The following C12orf42 variants were observed in gnomAD, a reference collection of about 807,000 sequenced individuals.
C12orf42 encodes the protein chromosome 12 open reading frame 42.
In C12orf42, 25 loss-of-function variants were observed where a neutral mutation model predicts 21.6. The observed-to-expected ratio is 1.16, with a 90% CI of 0.84 to 1.62. The LOEUF is 1.62. C12orf42 is among the 40% of genes most tolerant of loss of function. The pLI is 0.00. For missense variants in C12orf42, 483 were observed against 459.3 expected (o/e 1.05, Z -0.47); for synonymous variants, 174 against 175.0 (o/e 0.99, Z 0.05).
At chr12:103,492,625 T>G (rs931295695) in intron 1 of C12orf42, among the ~76,000 whole-genome samples, 1 of 152,174 alleles carries the variant, frequency 6.6e-6, no homozygotes, top group Admixed American at 6.5e-5. Context: ...TGCCAGATTA[T>G]CTCAGTATTT....
the C12orf42 span, among the ~76,000 whole-genome samples, chr12:103,191,543 CAAAAAAAAAAAAAAAAAA>C: frequency 1.7e-5 from 1 of 58,104 alleles, no homozygotes; most frequent in African/African-American, 7.5e-5. Context: ...CTCCACTCTA[CAAAAAAAAAAAAAAAAAA>C]AAAAAAAAAA....
At chr12:103,116,878 C>T in the C12orf42 span, among the ~76,000 whole-genome samples, 91 of 152,122 alleles carry the variant, frequency 6.0e-4, no homozygotes, top group Admixed American at 3.1e-3. Flanking sequence ...TCTAGGTTTG[C>T]CTAATCTTTT....
chr12:103,200,011 G>C, the C12orf42 span, among the ~76,000 whole-genome samples: 1 of 152,042 alleles, frequency 6.6e-6, no homozygotes, highest in Non-Finnish European at 1.5e-5. Flanking sequence ...ATCAGGATCT[G>C]GAAGAGATAT....
chr12:103,368,739 C>T, intron 4 of C12orf42, 148 bp downstream of exon 4: 1 of 531,166 alleles, frequency 1.9e-6, no homozygotes. Context: ...GATTTACTAA[C>T]TTCATGAGCC....
chr12:103,064,100 GT>G, the C12orf42 span, among the ~76,000 whole-genome samples: 1 of 152,174 alleles, frequency 6.6e-6, no homozygotes, highest in African/African-American at 2.4e-5. Flanking sequence ...ATGGTGAAAT[GT>G]ATTAGTCACT....
At chr12:103,539,363 T>A in the C12orf42 span, among the ~76,000 whole-genome samples, 1 of 45,974 alleles carries the variant, frequency 2.2e-5, no homozygotes, top group Admixed American at 1.7e-4. Flanking sequence ...TGCTTGGTTC[T>A]TTTTTTTTTA....
chr12:103,109,073 T>C, the C12orf42 span, among the ~76,000 whole-genome samples: 1 of 152,178 alleles, frequency 6.6e-6, no homozygotes, highest in Non-Finnish European at 1.5e-5. Context: ...ACAGAGTTTT[T>C]CATGAGCTTG....
At chr12:103,204,043 A>G in the C12orf42 span, among the ~76,000 whole-genome samples, 1 of 152,192 alleles carries the variant, frequency 6.6e-6, no homozygotes, top group Admixed American at 6.5e-5. Context: ...AAGATGTACA[A>G]GTCAAACTCC....
intron 3 of C12orf42, among the ~76,000 whole-genome samples, chr12:103,373,977 C>T (rs1279343887): frequency 6.6e-6 from 1 of 152,134 alleles, no homozygotes; most frequent in African/African-American, 2.4e-5. Flanking sequence ...AATCATGGCT[C>T]TTAATCTCTT....
intron 1 of C12orf42, among the ~76,000 whole-genome samples, chr12:103,487,384 C>T (rs886635528): frequency 6.6e-6 from 1 of 152,116 alleles, no homozygotes; most frequent in Non-Finnish European, 1.5e-5. Flanking sequence ...ATTATGTGAT[C>T]AATTTTAGAG....
intron 4 of C12orf42, among the ~76,000 whole-genome samples, chr12:103,336,658 T>C (rs1327616068): frequency 6.6e-6 from 1 of 152,174 alleles, no homozygotes; most frequent in Non-Finnish European, 1.5e-5. Flanking sequence ...AGCTTTACAT[T>C]TTAAGGAACT....
chr12:103,241,246 C>T (rs1335067348), intron 10 of C12orf42, among the ~76,000 whole-genome samples: 1 of 151,576 alleles, frequency 6.6e-6, no homozygotes, highest in African/African-American at 2.4e-5. Context: ...CTTCTCCTGT[C>T]CCTGACAGCC....
chr12:103,268,270 C>G (rs774348015), downstream of C12orf42: 1 of 151,784 alleles, frequency 6.6e-6, no homozygotes, highest in Non-Finnish European at 1.5e-5. Flanking sequence ...ATTAATAGAT[C>G]ATGAGCATCC....
At chr12:103,277,342 A>C (rs1006989188) in intron 4 of C12orf42, 1 of 252,638 alleles carries the variant, frequency 4.0e-6, no homozygotes, top group Non-Finnish European at 7.7e-6. Context: ...TTTCCAAAAA[A>C]ATTAAACAGA....
chr12:103,137,385 G>C, the C12orf42 span, among the ~76,000 whole-genome samples: 1 of 150,508 alleles, frequency 6.6e-6, no homozygotes, highest in Admixed American at 6.6e-5. Flanking sequence ...ACGCTGGCAA[G>C]GATGTCAGGA....
chr12:103,418,328 C>A (rs556185429), intron 2 of C12orf42, among the ~76,000 whole-genome samples: 1 of 152,028 alleles, frequency 6.6e-6, no homozygotes, highest in African/African-American at 2.4e-5. Context: ...TAGGATCATA[C>A]GGCCTACTCT....
chr12:103,311,198 G>A (rs547926001), intron 4 of C12orf42, among the ~76,000 whole-genome samples: 108 of 150,906 alleles, frequency 7.2e-4, no homozygotes, highest in Non-Finnish European at 1.2e-3. Context: ...ATGCATGTGC[G>A]TGTGTGTGTG....
chr12:103,110,548 G>A, the C12orf42 span, among the ~76,000 whole-genome samples: 1 of 152,108 alleles, frequency 6.6e-6, no homozygotes, highest in Non-Finnish European at 1.5e-5. Context: ...AATCTAAGTG[G>A]TGGGTACAAA....
chr12:103,525,649 T>G, the C12orf42 span, among the ~76,000 whole-genome samples: 1 of 152,178 alleles, frequency 6.6e-6, no homozygotes, highest in Non-Finnish European at 1.5e-5. Context: ...TTATTATAAT[T>G]AAAGTAGTAT....
Sources: gnomAD v4.1 joint callset for allele counts (sites outside exome capture counted in the v4.1 genomes callset) on GRCh38, gnomAD v4.1.1 for gene constraint, MANE v1.5 for transcripts, NCBI Gene and HGNC (gene_info 2026-07-23, HGNC 2026-07-21) for gene names.